Variants in BAG4 observed in about 807,000 individuals in gnomAD.
The protein encoded by BAG4 is BAG cochaperone 4.
BAG4 carries 28 observed loss-of-function variants against 52.1 expected under a neutral mutation model. That is an observed-to-expected ratio of 0.54 (90% CI 0.40 to 0.74). The LOEUF is 0.74. Among genes scored for constraint, BAG4 ranks in the 30% least tolerant of loss-of-function variants. BAG4 has a pLI of 0.00. For missense variants in BAG4, 525 were observed against 572.0 expected (o/e 0.92, Z 0.84); for synonymous variants, 208 against 217.0 (o/e 0.96, Z 0.37).
Position 38,176,913 on chromosome 8 carries a change from C to T in BAG4, c.44C>T (p.Pro15Leu), listed in dbSNP as rs573786065. The T allele has an allele frequency of 6.5e-6, 10 of 1,548,514 alleles. No homozygotes were observed. The highest frequency in any genetic ancestry group is 8.7e-6 in the Non-Finnish European group (10 of 1,146,492). ...RRSGYGPSDGPSYGRYYGPGG... is the reference protein window; with the variant it reads ...RRSGYGPSDGLSYGRYYGPGG... Reference sequence around the variant, plus strand: ...TCGGGCTACGGCCCCAGTGACGGTCCGTCCTACGGCCGCTACTACGGGCCT... The same window carrying T: ...TCGGGCTACGGCCCCAGTGACGGTCTGTCCTACGGCCGCTACTACGGGCCT... The change falls in exon 1 of 5, where the codon CCG becomes CTG. Residue 15 changes from proline (P) to leucine (L), a missense_variant. This residue lies in a region of BAG4 where 287 missense variants were observed against 266.1 expected (regional missense o/e 1.08). Transcript: ENST00000287322.
intron 1 of BAG4, among the ~76,000 whole-genome samples, chr8:38,192,142 T>G (rs1803485971): frequency 6.6e-6 from 1 of 152,216 alleles, no homozygotes; most frequent in African/African-American, 2.4e-5. Flanking sequence ...TAGTAATGTC[T>G]TTGTGTTCCA....
chr8:38,182,111 C>T (rs1803284789), intron 1 of BAG4, among the ~76,000 whole-genome samples: 1 of 151,864 alleles, frequency 6.6e-6, no homozygotes, highest in Admixed American at 6.6e-5. Flanking sequence ...ATGTTTGAAC[C>T]AGATGCTGGG....
intron 1 of BAG4, among the ~76,000 whole-genome samples, chr8:38,182,771 G>C (rs563923603): frequency 6.6e-6 from 1 of 152,048 alleles, no homozygotes; most frequent in Non-Finnish European, 1.5e-5. Flanking sequence ...ACTGTTACTA[G>C]GGATATTTTT....
Position 38,176,982 on chromosome 8 carries a change from C to T in BAG4, c.113C>T (p.Pro38Leu), listed in dbSNP as rs1803167627. The stretch of plus-strand genomic sequence containing the variant: ...GTACACCCACCTCCACCCTTATATC[C>T]TCTTCGCCCTGAACCTCCCCAGCCT... ...VPVHPPPPLYPLRPEPPQPPI... is the reference protein window; with the variant it reads ...VPVHPPPPLYLLRPEPPQPPI... The change falls in exon 1 of 5, where the codon CCT becomes CTT. Residue 38 changes from proline (P) to leucine (L), a missense_variant. Physicochemically the swap from Pro to Leu is moderately conservative, Grantham distance 98 (BLOSUM62 -3). Transcript: ENST00000287322. 1 of 1,586,122 alleles carries T rather than the reference C, an allele frequency of 6.3e-7. No homozygotes were observed. Among genetic ancestry groups the T allele is most frequent in the South Asian group, 1.1e-5 (1 of 87,326 alleles).
intron 1 of BAG4, among the ~76,000 whole-genome samples, chr8:38,187,682 C>T (rs909707393): frequency 2.0e-5 from 3 of 151,884 alleles, no homozygotes; most frequent in Non-Finnish European, 4.4e-5. Context: ...CTGTATCTCA[C>T]TGGAATTAAG....
chr8:38,211,128 T>C lies in BAG4; in HGVS notation c.*635T>C, dbSNP rs1803860457. 1 of 151,878 alleles carries C rather than the reference T, an allele frequency of 6.6e-6. No individual in the cohort carries two copies. The highest frequency in any genetic ancestry group is 1.5e-5 in the Non-Finnish European group (1 of 67,952). 9.4% of individuals were successfully genotyped at this position (151,878 alleles called of 1,614,324 possible). A position where few individuals can be genotyped will look rare whatever the true frequency, so the allele number is the denominator to read the frequency against. ...AAAAAATTTATATCTTTTCACCACTTGAATATACTGCAATGTGTAGTGAGT... is the reference window on the plus strand; with the variant it reads ...AAAAAATTTATATCTTTTCACCACTCGAATATACTGCAATGTGTAGTGAGT... On this transcript the variant is annotated 3_prime_UTR_variant, in exon 5 of 5. Transcript: ENST00000287322.
chr8:38,181,915 A>AG lies in BAG4; in HGVS notation c.270+4776_270+4777insG, dbSNP rs200737966. Among the ~76,000 whole-genome samples, 267 of 134,674 alleles carry AG rather than the reference A, an allele frequency of 2.0e-3. 15 individuals carry two copies. The highest frequency in any genetic ancestry group is 4.6e-3 in the African/African-American group (169 of 36,350). The allele number at this position is 134,674 out of a possible 152,430, so 88.4% of individuals were successfully genotyped here. The stretch of plus-strand genomic sequence containing the variant: ...AAAAAAAAAAAAAAAAAAAAAAAAA[A>AG]AGGAAGTAAGGGAAAAGAGTTAGAG... On this transcript the variant is annotated intron_variant, in intron 1 of 4. Coordinates refer to ENST00000287322, the MANE Select transcript of BAG4 (RefSeq NM_004874.4).
At chr8:38,196,143 C>T (rs1284877295) in intron 2 of BAG4, among the ~76,000 whole-genome samples, 1 of 152,074 alleles carries the variant, frequency 6.6e-6, no homozygotes, top group Non-Finnish European at 1.5e-5. Flanking sequence ...GCTGCTACAA[C>T]CTTCATGTAC....
rs1237777485 is a variant in BAG4, at chr8:38,176,924, C to T, written c.55C>T (p.Arg19Cys). The T allele has an allele frequency of 6.4e-7, 1 of 1,551,216 alleles. No individual in the cohort carries two copies. The highest frequency in any genetic ancestry group is 8.7e-7 in the Non-Finnish European group (1 of 1,147,784). Reference protein sequence around the residue: ...YGPSDGPSYGRYYGPGGGDVP... With the variant: ...YGPSDGPSYGCYYGPGGGDVP... Reference sequence around the variant, plus strand: ...CCCCAGTGACGGTCCGTCCTACGGCCGCTACTACGGGCCTGGGGGTGGAGA... The same window carrying T: ...CCCCAGTGACGGTCCGTCCTACGGCTGCTACTACGGGCCTGGGGGTGGAGA... Residue 19 changes from arginine to cysteine, a missense_variant, in exon 1 of 5, where the codon CGC becomes TGC. Arg to Cys is a radical substitution (Grantham distance 180, BLOSUM62 -3). This residue lies in a region of BAG4 where 287 missense variants were observed against 266.1 expected (regional missense o/e 1.08). Transcript: ENST00000287322.
chr8:38,209,928 A>G, intron 4 of BAG4, 80 bp from the exon 5 acceptor site: 1 of 1,521,036 alleles, frequency 6.6e-7, no homozygotes, highest in Non-Finnish European at 8.9e-7. Context: ...GGTCAAGTGA[A>G]AGATGTGGGC....
intron 1 of BAG4, among the ~76,000 whole-genome samples, chr8:38,183,009 A>G (rs992708288): frequency 1.4e-5 from 2 of 143,616 alleles, no homozygotes; most frequent in African/African-American, 5.2e-5. Context: ...CACCACCACC[A>G]CAACTGAGCT....
chr8:38,190,836 C>T (rs1022258770), intron 1 of BAG4, among the ~76,000 whole-genome samples: 6 of 150,416 alleles, frequency 4.0e-5, no homozygotes, highest in African/African-American at 1.5e-4. Flanking sequence ...CTGCTCACTG[C>T]AACTTCTGTC....
At chr8:38,202,342 T>G (rs2130686207) in intron 2 of BAG4, 1 of 152,408 alleles carries the variant, frequency 6.6e-6, no homozygotes, top group South Asian at 2.1e-4. Context: ...ATTGGCTTAC[T>G]GCAACCTCCA....
rs547291256 is a variant in BAG4, at chr8:38,209,368, T to C, written c.888+101T>C. On this transcript the variant is annotated intron_variant, in intron 4 of 4. Transcript: ENST00000287322. ...CTGGTTTGTGTTAAATGGGGACTAA[T>C]TACAAAAAGTTGGTGACTACTTATC... 2.5e-4 allele frequency: 381 copies of C among 1,495,928 alleles called. No individual in the cohort carries two copies. The Middle Eastern group carries it at 3.4e-3, about 13-fold the overall frequency. The allele number at this position is 1,495,928 out of a possible 1,614,324, so 92.7% of individuals were successfully genotyped here.
chr8:38,188,626 C>T (rs1585654609), intron 1 of BAG4, among the ~76,000 whole-genome samples: 1 of 146,508 alleles, frequency 6.8e-6, no homozygotes, highest in Non-Finnish European at 1.5e-5. Flanking sequence ...TACATGTACA[C>T]ATATATATAC....
intron 2 of BAG4, among the ~76,000 whole-genome samples, chr8:38,199,099 T>C (rs1378393262): frequency 6.6e-6 from 1 of 152,236 alleles, no homozygotes; most frequent in Non-Finnish European, 1.5e-5. Context: ...ATTATCATCA[T>C]CAAGTATTAT....
chr8:38,203,818 G>C (rs1347415253), intron 2 of BAG4, among the ~76,000 whole-genome samples: 2 of 146,536 alleles, frequency 1.4e-5, no homozygotes, highest in Non-Finnish European at 3.0e-5. Flanking sequence ...CTGGGTGACA[G>C]AGTGAGACCC....
chr8:38,188,094 A>G (rs1803398005), intron 1 of BAG4, among the ~76,000 whole-genome samples: 1 of 151,408 alleles, frequency 6.6e-6, no homozygotes, highest in South Asian at 2.1e-4. Context: ...CCCAAGAGTA[A>G]CTGCTAAAGA....
At chr8:38,183,474 A>G (rs1803309142) in intron 1 of BAG4, among the ~76,000 whole-genome samples, 1 of 152,148 alleles carries the variant, frequency 6.6e-6, no homozygotes, top group African/African-American at 2.4e-5. Flanking sequence ...TTTCAAGGTT[A>G]TTCCAGTTTC....
Sources: allele counts gnomAD v4.1 joint callset (sites outside exome capture counted in the v4.1 genomes callset), GRCh38; gene constraint gnomAD v4.1.1; regional missense constraint gnomAD v4.1.1; transcripts MANE v1.5; gene names NCBI Gene and HGNC (gene_info 2026-07-23, HGNC 2026-07-21).